NF2: variants seen among roughly 807,000 people sequenced by gnomAD.
The protein encoded by NF2 is merlin.
A neutral mutation model predicts 83.7 loss-of-function variants in NF2; 8 were observed. The ratio of observed to expected loss-of-function variants is 0.10; its 90% CI spans 0.06 to 0.17. The LOEUF is 0.17. Ranked by LOEUF, NF2 falls within the 10% of genes least tolerant of loss-of-function variation. The pLI is 1.00. For synonymous variants in NF2, 266 were observed against 269.6 expected (o/e 0.99, Z 0.13); for missense variants, 533 against 744.4 (o/e 0.72, Z 3.31).
Position 29,624,271 on chromosome 22 carries a change from G to A in NF2, c.115-12480G>A, listed in dbSNP as rs1232817193. Among the ~76,000 whole-genome samples, 5 of 152,198 alleles carry A rather than the reference G, an allele frequency of 3.3e-5. No homozygotes were observed. The East Asian group carries it at 5.8e-4, about 18-fold the overall frequency. On this transcript the variant is annotated intron_variant, in intron 1 of 15. Transcript: ENST00000338641. ...TGCCCAGGCTGGAGTGCAGTGGCAC[G>A]ATCTCGGCTCACTGCAACCTTTGCC...
At chr22:29,689,990 C>T (rs1018325930) in intron 15 of NF2, among the ~76,000 whole-genome samples, 2 of 152,220 alleles carry the variant, frequency 1.3e-5, no homozygotes, top group Admixed American at 6.5e-5. Context: ...GTTGGCCGTG[C>T]GCCTCATGCT....
intron 1 of NF2, among the ~76,000 whole-genome samples, chr22:29,614,987 T>C (rs1175691714): frequency 6.6e-6 from 1 of 152,018 alleles, no homozygotes; most frequent in Non-Finnish European, 1.5e-5. Context: ...AGTTCAAGAC[T>C]ACCTTGGCCA....
intron 9 of NF2, among the ~76,000 whole-genome samples, chr22:29,666,499 T>C (rs146357180): frequency 2.2e-4 from 33 of 152,040 alleles, no homozygotes; most frequent in Non-Finnish European, 3.5e-4. Flanking sequence ...CTGGTGCACA[T>C]AGGCAATAGT....
At chr22:29,605,716 G>C (rs1361286162) in intron 1 of NF2, among the ~76,000 whole-genome samples, 1 of 152,200 alleles carries the variant, frequency 6.6e-6, no homozygotes, top group Non-Finnish European at 1.5e-5. Context: ...AATTCGGTAA[G>C]AAAGATGAGA....
At chr22:29,607,325 C>G (rs1027555043) in intron 1 of NF2, among the ~76,000 whole-genome samples, 3 of 151,394 alleles carry the variant, frequency 2.0e-5, no homozygotes, top group African/African-American at 7.3e-5. Flanking sequence ...AACAATATGC[C>G]ACAATTAGTG....
At chr22:29,630,882 AC>A (rs1245393677) in intron 1 of NF2, among the ~76,000 whole-genome samples, 1 of 152,186 alleles carries the variant, frequency 6.6e-6, no homozygotes, top group Non-Finnish European at 1.5e-5. Context: ...ATAAACCCTA[AC>A]AAAAAGGCCC....
chr22:29,644,668 C>G (rs367912171), intron 4 of NF2, among the ~76,000 whole-genome samples: 4 of 152,220 alleles, frequency 2.6e-5, no homozygotes. Flanking sequence ...TCTGCAATCC[C>G]GGCACCTCGG....
intron 3 of NF2, among the ~76,000 whole-genome samples, chr22:29,641,804 A>G (rs1176156792): frequency 6.6e-6 from 1 of 152,148 alleles, no homozygotes; most frequent in Admixed American, 6.5e-5. Context: ...GTCTTGTGTT[A>G]ATACTTAAAA....
chr22:29,690,901 GA>G (rs1396616939), intron 15 of NF2, among the ~76,000 whole-genome samples: 2 of 152,216 alleles, frequency 1.3e-5, no homozygotes, highest in Non-Finnish European at 2.9e-5. Flanking sequence ...CTGGCTGCGG[GA>G]CTCCCATGGT....
At chr22:29,665,400 T>C (rs1332983731) in intron 9 of NF2, among the ~76,000 whole-genome samples, 2 of 151,988 alleles carry the variant, frequency 1.3e-5, no homozygotes, top group East Asian at 3.9e-4. Flanking sequence ...TGAGACACCA[T>C]GCCCAGCTAA....
At chr22:29,622,395 G>T (rs891015039) in intron 1 of NF2, among the ~76,000 whole-genome samples, 1 of 151,996 alleles carries the variant, frequency 6.6e-6, no homozygotes, top group African/African-American at 2.4e-5. Context: ...CTTAAAATGA[G>T]GCTTATGTTA....
chr22:29,641,209 G>A (rs1028540268), intron 3 of NF2, among the ~76,000 whole-genome samples: 2 of 152,188 alleles, frequency 1.3e-5, no homozygotes, highest in African/African-American at 4.8e-5. Context: ...GAAACCAAGG[G>A]ATTAGAAAGT....
intron 13 of NF2, among the ~76,000 whole-genome samples, chr22:29,676,794 G>A (rs2066976516): frequency 6.6e-6 from 1 of 152,180 alleles, no homozygotes; most frequent in South Asian, 2.1e-4. Flanking sequence ...ACTCTCCAAA[G>A]AAGTCATACC....
chr22:29,669,987 C>G (rs1156569419), intron 10 of NF2, among the ~76,000 whole-genome samples: 1 of 151,928 alleles, frequency 6.6e-6, no homozygotes, highest in Admixed American at 6.6e-5. Flanking sequence ...GGGCCAGGAA[C>G]TGAAGGAGAT....
chr22:29,657,995 A>G lies in NF2; in HGVS notation c.600-194A>G, dbSNP rs2071621. Among the ~76,000 whole-genome samples the G allele has an allele frequency of 6.0e-3, 908 of 152,258 alleles. 21 individuals carry two copies. The East Asian group carries it at 0.066, about 11-fold the overall frequency. On this transcript the variant is annotated intron_variant, in intron 6 of 15. Coordinates refer to ENST00000338641, the MANE Select transcript of NF2 (RefSeq NM_000268.4). ...GACTATCTTTTGATGGGGATGGGAAATTCTGCTTGACCTCAGTGTGTTTAA... is the reference window on the plus strand; with the variant it reads ...GACTATCTTTTGATGGGGATGGGAAGTTCTGCTTGACCTCAGTGTGTTTAA...
At chr22:29,623,113 G>A (rs1373399866) in intron 1 of NF2, among the ~76,000 whole-genome samples, 1 of 151,706 alleles carries the variant, frequency 6.6e-6, no homozygotes, top group Non-Finnish European at 1.5e-5. Context: ...ACCAATACCT[G>A]GCTAATTTTT....
chr22:29,610,950 CAT>C (rs753126670), intron 1 of NF2, among the ~76,000 whole-genome samples: 1 of 152,080 alleles, frequency 6.6e-6, no homozygotes, highest in Non-Finnish European at 1.5e-5. Context: ...AATCCAGTAA[CAT>C]ATAAAAATAA....
chr22:29,642,774 T>C (rs1248507753), intron 4 of NF2, among the ~76,000 whole-genome samples: 2 of 152,142 alleles, frequency 1.3e-5, no homozygotes, highest in African/African-American at 2.4e-5. Flanking sequence ...CCAAACTCAT[T>C]TGCAAACAAG....
chr22:29,612,375 T>G (rs1443867237), intron 1 of NF2, among the ~76,000 whole-genome samples: 1 of 151,912 alleles, frequency 6.6e-6, no homozygotes, highest in African/African-American at 2.4e-5. Flanking sequence ...TGAGAACAAG[T>G]GCAGTGGTGC....
Sources: gnomAD v4.1 joint callset for allele counts (sites outside exome capture counted in the v4.1 genomes callset) on GRCh38, gnomAD v4.1.1 for gene constraint, MANE v1.5 for transcripts, NCBI Gene and HGNC (gene_info 2026-07-23, HGNC 2026-07-21) for gene names.